STK32B: variants seen among roughly 807,000 people sequenced by gnomAD.
STK32B encodes serine/threonine kinase 32B.
In STK32B, 43 loss-of-function variants were observed where a neutral mutation model predicts 52.6. The ratio of observed to expected loss-of-function variants is 0.82; its 90% confidence interval spans 0.64 to 1.05. The LOEUF (loss-of-function observed/expected upper bound fraction) is 1.05, where lower values mean the gene tolerates loss of function less well. STK32B is among the 50% of genes least tolerant of loss of function. The pLI is 0.00. For missense variants in STK32B, 621 were observed against 534.6 expected (o/e 1.16, Z -1.59); for synonymous variants, 238 against 204.3 (o/e 1.17, Z -1.41).
At chr4:5,438,618 A>G (rs1173327170) in intron 6 of STK32B, among the ~76,000 whole-genome samples, 1 of 152,236 alleles carries the variant, frequency 6.6e-6, no homozygotes, top group African/African-American at 2.4e-5. Flanking sequence ...TTTTGTTTTT[A>G]TACTTTAAGT....
At chr4:5,312,526 G>A (rs908533401) in intron 3 of STK32B, among the ~76,000 whole-genome samples, 2 of 151,610 alleles carry the variant, frequency 1.3e-5, no homozygotes, top group Non-Finnish European at 2.9e-5. Flanking sequence ...CTGTGAGTGA[G>A]AACATGCGTG....
At position 5,467,502 on chromosome 4, in the gene STK32B, A is replaced by G. The variant is rs1717536213; in HGVS notation, c.1042-504A>G. Among the ~76,000 whole-genome samples, 1 of 152,146 alleles carries G rather than the reference A, an allele frequency of 6.6e-6. No individual in the cohort carries two copies. The highest frequency in any genetic ancestry group is 6.5e-5 in the Admixed American group (1 of 15,278). On this transcript the variant is annotated intron_variant, in intron 10 of 11. Transcript: ENST00000282908. This position sits in a 1 kb window ranked among gnomAD's most constrained non-coding sequence, Gnocchi z 5.8. ...ACCCCAGTCATTGGTCTTAGGGCCT[A>G]CCTAATTCACTGTGACTTCATCTTA...
At chr4:5,199,789 T>G (rs1308980043) in intron 3 of STK32B, among the ~76,000 whole-genome samples, 5 of 149,800 alleles carry the variant, frequency 3.3e-5, no homozygotes, top group African/African-American at 4.9e-5. Context: ...AACCCCCACT[T>G]ACGCCACAAA....
intron 1 of STK32B, among the ~76,000 whole-genome samples, chr4:5,080,333 G>A (rs1479538207): frequency 6.6e-6 from 1 of 152,170 alleles, no homozygotes; most frequent in Non-Finnish European, 1.5e-5. Context: ...GTCTGCTGCT[G>A]TCACATTTGC....
rs74685077 is a variant in STK32B, at chr4:5,350,954, C to T, written c.434+19561C>T. Among the ~76,000 whole-genome samples the T allele has an allele frequency of 8.9e-3, 1,350 of 151,836 alleles. 49 individuals are homozygous for T. The East Asian group carries it at 0.11, about 13-fold the overall frequency. ...ATATATGCACCCAATGGTGGAGCACCCAGATATATAAAGCAAATTTTATTA... is the reference window on the plus strand; with the variant it reads ...ATATATGCACCCAATGGTGGAGCACTCAGATATATAAAGCAAATTTTATTA... On this transcript the variant is annotated intron_variant, in intron 4 of 11. Coordinates refer to ENST00000282908, the MANE Select transcript of STK32B (RefSeq NM_018401.3).
intron 3 of STK32B, among the ~76,000 whole-genome samples, chr4:5,225,363 C>T (rs1454317150): frequency 6.6e-6 from 1 of 152,022 alleles, no homozygotes; most frequent in Non-Finnish European, 1.5e-5. Flanking sequence ...GCCGAGATCA[C>T]GCCATTGCAC....
intron 3 of STK32B, among the ~76,000 whole-genome samples, chr4:5,290,861 C>T (rs1322431343): frequency 6.6e-6 from 1 of 152,054 alleles, no homozygotes; most frequent in Non-Finnish European, 1.5e-5. Context: ...TTTAAAATTT[C>T]AGCTATAATA....
intron 4 of STK32B, among the ~76,000 whole-genome samples, chr4:5,370,210 A>T (rs1735139531): frequency 2.0e-5 from 3 of 152,168 alleles, no homozygotes; most frequent in Admixed American, 2.0e-4. Context: ...ATATGGAGCA[A>T]TTCATCATAT....
At chr4:5,130,111 G>GGA (rs1169337586) in intron 1 of STK32B, among the ~76,000 whole-genome samples, 1 of 151,756 alleles carries the variant, frequency 6.6e-6, no homozygotes, top group African/African-American at 2.4e-5. Flanking sequence ...AGTGAGGTAG[G>GGA]GAGTACCAAG....
At chr4:5,191,514 A>G (rs957970192) in intron 3 of STK32B, among the ~76,000 whole-genome samples, 2 of 152,002 alleles carry the variant, frequency 1.3e-5, no homozygotes, top group African/African-American at 4.8e-5. Flanking sequence ...TCGGCATCCC[A>G]AAGTGCTGGG....
At chr4:5,080,498 T>C (rs1036753798) in intron 1 of STK32B, among the ~76,000 whole-genome samples, 1 of 152,076 alleles carries the variant, frequency 6.6e-6, no homozygotes, top group African/African-American at 2.4e-5. Context: ...TCTCAAGGAG[T>C]CCCTCTCTGG....
At chr4:5,100,762 TCC>T (rs1457162106) in intron 1 of STK32B, among the ~76,000 whole-genome samples, 9 of 74,548 alleles carry the variant, frequency 1.2e-4, no homozygotes, top group East Asian at 1.1e-3. Context: ...CCCTCCCTCC[TCC>T]CTCCCTCCTT....
At chr4:5,140,041 G>A in intron 2 of STK32B, 81 bp downstream of exon 2, 1 of 1,558,890 alleles carries the variant, frequency 6.4e-7, no homozygotes, top group Non-Finnish European at 8.8e-7. Context: ...CTGGGCACTG[G>A]GAATGTTCTG....
In STK32B at chr4:5,399,629, G is replaced by C. The variant is rs532908490; in HGVS notation, c.472+1385G>C. Among the ~76,000 whole-genome samples, 4 of 152,292 alleles carry C rather than the reference G, an allele frequency of 2.6e-5. No individual in the cohort carries two copies. The East Asian group carries it at 7.7e-4, about 29-fold the overall frequency. On this transcript the variant is annotated intron_variant, in intron 5 of 11. Transcript: ENST00000282908. This position sits in a 1 kb window ranked among gnomAD's most constrained non-coding sequence, Gnocchi z 5.4. ...CAACGTCTCCAGTTTGTATCTAAAA[G>C]TCAGGATCTTCAGATGTGGCACTCA...
intron 6 of STK32B, among the ~76,000 whole-genome samples, chr4:5,428,340 G>A (rs1414374089): frequency 6.6e-6 from 1 of 152,012 alleles, no homozygotes; most frequent in African/African-American, 2.4e-5. Flanking sequence ...CCCGGGAGGT[G>A]GAGCTTGCAG....
chr4:5,486,314 A>T, intron 11 of STK32B, among the ~76,000 whole-genome samples: 1 of 152,152 alleles, frequency 6.6e-6, no homozygotes, highest in East Asian at 1.9e-4. Context: ...ACCTCGCTGC[A>T]GCCTTGCAGT....
At chr4:5,200,490 C>G (rs1042340976) in intron 3 of STK32B, among the ~76,000 whole-genome samples, 2 of 152,152 alleles carry the variant, frequency 1.3e-5, no homozygotes, top group African/African-American at 2.4e-5. Context: ...CTCCCACATG[C>G]TCCCCTTCTC....
intron 3 of STK32B, among the ~76,000 whole-genome samples, chr4:5,229,608 A>G (rs1358551081): frequency 6.6e-6 from 1 of 152,204 alleles, no homozygotes; most frequent in Non-Finnish European, 1.5e-5. Context: ...TAGATTTTCT[A>G]AAGCTAATGA....
chr4:5,218,489 A>G (rs552232339), intron 3 of STK32B, among the ~76,000 whole-genome samples: 94 of 152,276 alleles, frequency 6.2e-4, no homozygotes, highest in Admixed American at 9.8e-4. Context: ...AAGACTGCAC[A>G]TTTCTTTGGC....
Sources: gnomAD v4.1 joint callset for allele counts (sites outside exome capture counted in the v4.1 genomes callset) on GRCh38, gnomAD v4.1.1 for gene constraint, Gnocchi (gnomAD v3.1) non-coding constraint, MANE v1.5 for transcripts, NCBI Gene and HGNC (gene_info 2026-07-23, HGNC 2026-07-21) for gene names.